Variants in CFAP54 observed in about 807,000 individuals in gnomAD.
CFAP54 encodes the protein cilia- and flagella-associated protein 54.
Under a neutral mutation model 370.4 loss-of-function variants are expected in CFAP54, and 290 were observed. The observed-to-expected ratio is 0.78, with a 90% CI of 0.71 to 0.86. The LOEUF is 0.86. Ranked by LOEUF, CFAP54 falls within the 40% of genes least tolerant of loss-of-function variation. The probability of loss-of-function intolerance (pLI) is 0.00; values close to 1 mark genes in which losing one functional copy is unlikely to be tolerated. For missense variants in CFAP54, 3,399 were observed against 3,528.7 expected, an observed-to-expected ratio of 0.96 and a Z score of 0.93; for synonymous variants, 1,206 against 1,236.5, an observed-to-expected ratio of 0.98 and a Z score of 0.52.
chr12:96,714,739 G>A (rs1207102833), intron 48 of CFAP54, among the ~76,000 whole-genome samples: 1 of 152,038 alleles, frequency 6.6e-6, no homozygotes, highest in East Asian at 1.9e-4. Flanking sequence ...AGAGTGAATG[G>A]AGATAAATGG....
chr12:96,848,944 T>C (rs781087395), intron 66 of CFAP54, among the ~76,000 whole-genome samples: 2 of 152,182 alleles, frequency 1.3e-5, no homozygotes, highest in Non-Finnish European at 2.9e-5. Flanking sequence ...TTATCTATTA[T>C]TGCTGGTATT....
At chr12:96,567,622 A>G (rs1355599114) in intron 19 of CFAP54, among the ~76,000 whole-genome samples, 1 of 152,096 alleles carries the variant, frequency 6.6e-6, no homozygotes, top group African/African-American at 2.4e-5. Context: ...TCCTATTTTT[A>G]TGGCAAATAA....
At chr12:96,856,091 C>T (rs370024370) in intron 66 of CFAP54, among the ~76,000 whole-genome samples, 2 of 152,156 alleles carry the variant, frequency 1.3e-5, no homozygotes, top group Non-Finnish European at 2.9e-5. Context: ...GATGCCATGG[C>T]CTGAGCTGTA....
In CFAP54 at chr12:96,601,204, A is replaced by G. The variant is rs564109185; in HGVS notation, c.3639+2437A>G. The stretch of plus-strand genomic sequence containing the variant: ...TTTGTCAAAGGCCTTTTCTGCATCT[A>G]TTGAGATAATCATGTGGTTTTTGTC... On this transcript the variant is annotated intron_variant, in intron 26 of 67. Coordinates refer to ENST00000524981, the MANE Select transcript of CFAP54 (RefSeq NM_001306084.2). 1.1e-4 allele frequency among the ~76,000 whole-genome samples: 17 copies of G among 152,284 alleles called. No individual in the cohort carries two copies. The East Asian group carries it at 2.9e-3, about 26-fold the overall frequency.
At chr12:96,715,130 T>C (rs1394539765) in intron 48 of CFAP54, among the ~76,000 whole-genome samples, 1 of 152,018 alleles carries the variant, frequency 6.6e-6, no homozygotes, top group African/African-American at 2.4e-5. Context: ...AGGGAGAAAG[T>C]GTTGGAGATT....
chr12:96,737,185 A>G (rs1452149079), intron 50 of CFAP54, among the ~76,000 whole-genome samples: 1 of 152,254 alleles, frequency 6.6e-6, no homozygotes, highest in South Asian at 2.1e-4. Flanking sequence ...CCCGACAAGC[A>G]TTTCTTGAGT....
intron 62 of CFAP54, among the ~76,000 whole-genome samples, chr12:96,787,347 A>T (rs1958639579): frequency 6.6e-6 from 1 of 152,180 alleles, no homozygotes; most frequent in Admixed American, 6.6e-5. Flanking sequence ...TAATAGAGGT[A>T]ACACTTTAAA....
At chr12:96,518,831 A>G (rs1955269832) in intron 5 of CFAP54, 97 bp from the exon 6 acceptor site, 7 of 1,150,790 alleles carry the variant, frequency 6.1e-6, no homozygotes, top group Non-Finnish European at 6.8e-6. Context: ...AGTAATCAGC[A>G]ACTTGTGCTC....
At chr12:96,527,474 G>A (rs1349930871) in intron 9 of CFAP54, 30 bp downstream of exon 9, 1 of 1,442,464 alleles carries the variant, frequency 6.9e-7, no homozygotes, top group Non-Finnish European at 9.2e-7. Context: ...ATTGTTTTAT[G>A]ATAGAATGAT....
chr12:96,784,236 C>T (rs1373885569), intron 60 of CFAP54, among the ~76,000 whole-genome samples: 1 of 152,098 alleles, frequency 6.6e-6, no homozygotes, highest in Non-Finnish European at 1.5e-5. Flanking sequence ...TGTGAACATT[C>T]CAATTTATTC....
intron 60 of CFAP54, among the ~76,000 whole-genome samples, chr12:96,780,664 A>G (rs1958572146): frequency 6.6e-6 from 1 of 152,320 alleles, no homozygotes; most frequent in South Asian, 2.1e-4. Context: ...GAAAAGGCCT[A>G]TTGTGTTCCA....
At chr12:96,659,875 C>T (rs1423382039) in intron 38 of CFAP54, among the ~76,000 whole-genome samples, 1 of 152,176 alleles carries the variant, frequency 6.6e-6, no homozygotes, top group Non-Finnish European at 1.5e-5. Flanking sequence ...TTCTTCTTCT[C>T]ACAAAGTTTC....
intron 66 of CFAP54, among the ~76,000 whole-genome samples, chr12:96,834,569 C>T (rs562322991): frequency 2.0e-5 from 3 of 152,364 alleles, no homozygotes; most frequent in Non-Finnish European, 2.9e-5. Context: ...GCAGCTGGAC[C>T]AGGCGAACCA....
At chr12:96,768,711 A>T (rs1378061863) in intron 60 of CFAP54, among the ~76,000 whole-genome samples, 1 of 152,124 alleles carries the variant, frequency 6.6e-6, no homozygotes, top group East Asian at 1.9e-4. Context: ...AAAAACAAAC[A>T]AAAAAAGAAG....
chr12:96,735,759 C>T (rs989702391), intron 50 of CFAP54, among the ~76,000 whole-genome samples: 1 of 152,006 alleles, frequency 6.6e-6, no homozygotes, highest in Non-Finnish European at 1.5e-5. Context: ...TATGTTGGTT[C>T]ATTTTATACA....
intron 20 of CFAP54, 141 bp downstream of exon 20, chr12:96,576,902 C>G: frequency 1.4e-6 from 1 of 689,852 alleles, no homozygotes; most frequent in Non-Finnish European, 2.3e-6. Flanking sequence ...ATTCCAATGT[C>G]TTATCTATAC....
At chr12:96,739,932 T>C in intron 50 of CFAP54, 24 bp from the exon 51 acceptor site, 1 of 1,305,608 alleles carries the variant, frequency 7.7e-7, no homozygotes, top group Admixed American at 2.0e-5. Context: ...ACTGATAACA[T>C]TTAAAATATA....
chr12:96,597,559 C>A (rs941055252), intron 25 of CFAP54, among the ~76,000 whole-genome samples: 5 of 151,874 alleles, frequency 3.3e-5, no homozygotes, highest in East Asian at 1.9e-4. Context: ...ACCATGAAGT[C>A]CTAGAAAAGG....
chr12:96,559,439 T>C (rs1057418373), intron 17 of CFAP54, among the ~76,000 whole-genome samples: 3 of 152,120 alleles, frequency 2.0e-5, no homozygotes, highest in African/African-American at 7.2e-5. Context: ...GGTAAACTGT[T>C]CCCTCCAACT....
Sources: gnomAD v4.1 joint callset for allele counts (sites outside exome capture counted in the v4.1 genomes callset) on GRCh38, gnomAD v4.1.1 for gene constraint, MANE v1.5 for transcripts, NCBI Gene and HGNC (gene_info 2026-07-23, HGNC 2026-07-21) for gene names.